CLEC16A: variants seen among roughly 807,000 people sequenced by gnomAD.
CLEC16A encodes the protein protein CLEC16A.
CLEC16A carries 51 observed loss-of-function variants against 109.5 expected under a neutral mutation model. The ratio of observed to expected loss-of-function variants is 0.47; its 90% CI spans 0.37 to 0.59. CLEC16A has a LOEUF of 0.59. Among genes scored for constraint, CLEC16A ranks in the 20% least tolerant of loss-of-function variants. CLEC16A has a pLI of 0.00. For synonymous variants in CLEC16A, 673 were observed against 564.2 expected (o/e 1.19, Z -2.73); for missense variants, 1,339 against 1,394.0 (o/e 0.96, Z 0.63).
intron 23 of CLEC16A, among the ~76,000 whole-genome samples, chr16:11,169,027 C>A (rs940745160): frequency 6.6e-6 from 1 of 152,208 alleles, no homozygotes; most frequent in Non-Finnish European, 1.5e-5. Context: ...GGGCCAGGGC[C>A]TCTCCTCCAA....
intron 16 of CLEC16A, chr16:11,044,361 G>A: frequency 3.5e-6 from 1 of 283,398 alleles, no homozygotes; most frequent in Non-Finnish European, 6.5e-6. Flanking sequence ...TGTAAATTAT[G>A]AACTACGTAC....
intron 19 of CLEC16A, among the ~76,000 whole-genome samples, chr16:11,102,963 T>C (rs1399128087): frequency 6.6e-6 from 1 of 152,194 alleles, no homozygotes; most frequent in African/African-American, 2.4e-5. Context: ...CAGAGCTCAG[T>C]CTAAAGCAGC....
intron 22 of CLEC16A, among the ~76,000 whole-genome samples, chr16:11,144,951 A>G (rs1270028049): frequency 1.3e-5 from 2 of 152,050 alleles, no homozygotes; most frequent in African/African-American, 2.4e-5. Context: ...GGGCTAACTC[A>G]CTTTTGTACC....
At position 11,156,864 on chromosome 16, in the gene CLEC16A, A is replaced by G. The variant is rs537483036; in HGVS notation, c.2642-9524A>G. Among the ~76,000 whole-genome samples the G allele has an allele frequency of 1.1e-4, 17 of 151,682 alleles. No individual in the cohort carries two copies. The South Asian group carries it at 3.6e-3, about 32-fold the overall frequency. ...CCATCCAACCCTCTGTGGCCTGGAT[A>G]GGTGCTCATGTAAGATGCACGCATT... On this transcript the variant is annotated intron_variant, in intron 22 of 23. Transcript: ENST00000409790.
intron 10 of CLEC16A, among the ~76,000 whole-genome samples, chr16:10,983,708 C>A (rs548669958): frequency 6.6e-6 from 1 of 152,248 alleles, no homozygotes; most frequent in South Asian, 2.1e-4. Context: ...CTCTCAGATC[C>A]TGCTCACATG....
In CLEC16A at chr16:11,178,233, C is replaced by G. The variant is rs2068835860; in HGVS notation, c.2807-102C>G. On this transcript the variant is annotated intron_variant, in intron 23 of 23. Coordinates refer to ENST00000409790, the MANE Select transcript of CLEC16A (RefSeq NM_015226.3). The surrounding 1 kb of genome is among the most constrained non-coding windows in gnomAD (Gnocchi z 6.5). The stretch of plus-strand genomic sequence containing the variant: ...CCTCACGCCAGCCAGCCACCTCCCA[C>G]CTAGCTCACCAGGGCCGCGGTTCAG... 3.8e-6 allele frequency: 4 copies of G among 1,053,460 alleles called. No homozygotes were observed. Among genetic ancestry groups the G allele is most frequent in the Admixed American group, 2.1e-5 (1 of 48,234 alleles). 65.3% of individuals were successfully genotyped at this position (1,053,460 alleles called of 1,614,324 possible). A position where few individuals can be genotyped will look rare whatever the true frequency, so the allele number is the denominator to read the frequency against.
At chr16:10,982,439 T>A (rs75637865) in intron 9 of CLEC16A, among the ~76,000 whole-genome samples, 18,792 of 152,232 alleles carry the variant, frequency 0.12, 1,147 homozygotes, top group South Asian at 0.14. Context: ...AGTCCTTGAT[T>A]GGAACAAAAC....
rs376798629 is a variant in CLEC16A, at chr16:11,020,085, A to G, written c.1304-108A>G. On this transcript the variant is annotated intron_variant, in intron 11 of 23. Transcript: ENST00000409790. ...GTCGCTGCTGTCGGACATGTGCTTG[A>G]TGTGTTTGGAGTCATTTATGCATAT... 8 of 1,297,500 alleles carry G rather than the reference A, an allele frequency of 6.2e-6. 1 individual carries two copies. The East Asian group carries it at 1.5e-4, about 25-fold the overall frequency. 80.4% of individuals were successfully genotyped at this position (1,297,500 alleles called of 1,614,324 possible). A position where few individuals can be genotyped will look rare whatever the true frequency, so the allele number is the denominator to read the frequency against.
intron 20 of CLEC16A, 39 bp from the exon 21 acceptor site, chr16:11,123,703 A>C (rs2052595225): frequency 5.2e-5 from 83 of 1,606,380 alleles, no homozygotes; most frequent in Non-Finnish European, 6.1e-5. Flanking sequence ...CTCCTCCCAA[A>C]CCCAACGAAT....
At chr16:10,976,844 C>T (rs1301814407) in intron 7 of CLEC16A, among the ~76,000 whole-genome samples, 3 of 152,200 alleles carry the variant, frequency 2.0e-5, no homozygotes, top group Non-Finnish European at 2.9e-5. Context: ...TGGAGGCCTG[C>T]TTTTCTCTTT....
At chr16:11,075,895 C>A (rs147706580) in intron 19 of CLEC16A, among the ~76,000 whole-genome samples, 1,653 of 152,254 alleles carry the variant, frequency 0.011, 28 homozygotes, top group African/African-American at 0.037. Context: ...GGTTTCTCAT[C>A]CAAACCCCAC....
intron 19 of CLEC16A, among the ~76,000 whole-genome samples, chr16:11,106,275 G>A (rs562373299): frequency 3.3e-5 from 5 of 151,978 alleles, no homozygotes; most frequent in East Asian, 1.9e-4. Context: ...GTCTTATCAC[G>A]TATCTACTTT....
At chr16:11,042,138 C>T in intron 14 of CLEC16A, 116 bp from the exon 15 acceptor site, 1 of 682,498 alleles carries the variant, frequency 1.5e-6, no homozygotes, top group Non-Finnish European at 2.6e-6. Flanking sequence ...ATGTTGGGAG[C>T]CATGAGCAGT....
At chr16:10,973,250 C>T (rs1255700367) in intron 7 of CLEC16A, among the ~76,000 whole-genome samples, 189 bp downstream of exon 7, 2 of 152,210 alleles carry the variant, frequency 1.3e-5, no homozygotes, top group African/African-American at 2.4e-5. Context: ...ACAACTCAGA[C>T]GCCTCCCAGA....
chr16:11,170,341 A>T (rs1395406879), intron 23 of CLEC16A, among the ~76,000 whole-genome samples: 2 of 152,234 alleles, frequency 1.3e-5, no homozygotes, highest in African/African-American at 4.8e-5. Flanking sequence ...AATCAGCAGC[A>T]AAGTGGACCC....
intron 18 of CLEC16A, among the ~76,000 whole-genome samples, chr16:11,054,948 T>TCC (rs1555471250): frequency 6.6e-6 from 1 of 150,446 alleles, no homozygotes; most frequent in African/African-American, 2.4e-5. Context: ...TTTTTTTTTT[T>TCC]TCCACCAAGT....
chr16:10,980,895 T>C (rs1189838050), intron 9 of CLEC16A, among the ~76,000 whole-genome samples: 1 of 152,220 alleles, frequency 6.6e-6, no homozygotes, highest in Non-Finnish European at 1.5e-5. Flanking sequence ...ACTTGCAAAT[T>C]ATTTTACAAG....
chr16:11,126,258 G>A lies in CLEC16A; in HGVS notation c.2641+112G>A, dbSNP rs182491407. The A allele has an allele frequency of 7.8e-5, 121 of 1,560,100 alleles. 1 individual carries two copies. The highest frequency in any genetic ancestry group is 3.3e-4 in the Middle Eastern group (2 of 6,002). ...CCCTTCCTCTCTCAGAAGCCCCGTCGGCTGGCAGCACCAGCTTCTTAGAAT... is the reference window on the plus strand; with the variant it reads ...CCCTTCCTCTCTCAGAAGCCCCGTCAGCTGGCAGCACCAGCTTCTTAGAAT... On this transcript the variant is annotated intron_variant, in intron 22 of 23. Transcript: ENST00000409790.
chr16:11,116,397 AAAAAG>A (rs139087445), intron 19 of CLEC16A, among the ~76,000 whole-genome samples: 3 of 151,602 alleles, frequency 2.0e-5, no homozygotes, highest in Non-Finnish European at 4.4e-5. Context: ...TGTCTAAAAG[AAAAAG>A]AAAAGAAAAA....
Sources: allele counts gnomAD v4.1 joint callset (sites outside exome capture counted in the v4.1 genomes callset), GRCh38; gene constraint gnomAD v4.1.1; non-coding constraint Gnocchi (gnomAD v3.1); transcripts MANE v1.5; gene names NCBI Gene and HGNC (gene_info 2026-07-23, HGNC 2026-07-21).